The following VWA8 variants were observed in gnomAD, a reference collection of about 807,000 sequenced individuals.
VWA8 encodes the protein von Willebrand factor A domain-containing protein 8.
VWA8 carries 221 observed loss-of-function variants against 241.5 expected under a neutral mutation model. The observed-to-expected ratio is 0.91, with a 90% CI of 0.82 to 1.02. VWA8 has a LOEUF of 1.02. Among genes scored for constraint, VWA8 ranks in the 50% least tolerant of loss-of-function variants. The pLI is 0.00. For synonymous variants in VWA8, 852 were observed against 827.1 expected, an observed-to-expected ratio of 1.03 and a Z score of -0.52; for missense variants, 2,322 against 2,328.7, an observed-to-expected ratio of 1.00 and a Z score of 0.06.
intron 21 of VWA8, among the ~76,000 whole-genome samples, chr13:41,732,429 T>C (rs1010385329): frequency 5.3e-5 from 8 of 151,724 alleles, no homozygotes; most frequent in African/African-American, 1.2e-4. Flanking sequence ...TAATATGTCT[T>C]GTAACCACTT....
intron 37 of VWA8, among the ~76,000 whole-genome samples, chr13:41,667,528 G>C (rs2044994517): frequency 6.6e-6 from 1 of 152,166 alleles, no homozygotes; most frequent in South Asian, 2.1e-4. Context: ...AAAGGCTGCA[G>C]AGAGATCCTA....
intron 39 of VWA8, among the ~76,000 whole-genome samples, chr13:41,605,904 A>C (rs1360083974): frequency 5.3e-5 from 8 of 152,110 alleles, no homozygotes; most frequent in Admixed American, 5.2e-4. Flanking sequence ...CTATCTTCCC[A>C]GTATGCTGCT....
chr13:41,904,943 G>A (rs535033301), intron 4 of VWA8, among the ~76,000 whole-genome samples: 18 of 152,030 alleles, frequency 1.2e-4, no homozygotes, highest in East Asian at 7.7e-4. Context: ...TTCTTACCAC[G>A]TGAAAAATGC....
chr13:41,916,080 C>T (rs1876239977), intron 2 of VWA8, among the ~76,000 whole-genome samples: 2 of 152,164 alleles, frequency 1.3e-5, no homozygotes, highest in African/African-American at 2.4e-5. Flanking sequence ...AGTTATTTAA[C>T]CTCTCTGCTC....
At chr13:41,959,503 A>AC (rs1363493111) in intron 1 of VWA8, among the ~76,000 whole-genome samples, 1 of 150,978 alleles carries the variant, frequency 6.6e-6, no homozygotes, top group Non-Finnish European at 1.5e-5. Context: ...CAAAAAAAAA[A>AC]AAAAAAACAA....
At chr13:41,815,904 G>A (rs561785162) in intron 16 of VWA8, among the ~76,000 whole-genome samples, 1 of 152,312 alleles carries the variant, frequency 6.6e-6, no homozygotes, top group South Asian at 2.1e-4. Context: ...ACATCAAGAT[G>A]CTTAACTGGT....
At chr13:41,851,010 T>C (rs896724018) in intron 12 of VWA8, among the ~76,000 whole-genome samples, 5 of 152,246 alleles carry the variant, frequency 3.3e-5, no homozygotes, top group East Asian at 1.9e-4. Flanking sequence ...CATAGTTACA[T>C]ATTTTTTGTG....
chr13:41,585,143 G>C (rs974158909), intron 42 of VWA8, among the ~76,000 whole-genome samples: 1 of 149,490 alleles, frequency 6.7e-6, no homozygotes, highest in Middle Eastern at 3.4e-3. Context: ...TTCCTTTTTT[G>C]TGTGTGACAG....
chr13:41,680,365 T>C (rs60556905), intron 35 of VWA8, among the ~76,000 whole-genome samples: 1,759 of 152,296 alleles, frequency 0.012, 23 homozygotes, highest in African/African-American at 0.036. Context: ...GCATGGCTGT[T>C]ACCCTGGGAT....
At chr13:41,647,167 C>G (rs2044837385) in intron 37 of VWA8, among the ~76,000 whole-genome samples, 1 of 152,048 alleles carries the variant, frequency 6.6e-6, no homozygotes, top group African/African-American at 2.4e-5. Context: ...AAAAAGAGCT[C>G]CAATGGAAAT....
At chr13:41,903,389 A>G (rs1325675941) in intron 4 of VWA8, among the ~76,000 whole-genome samples, 2 of 152,180 alleles carry the variant, frequency 1.3e-5, no homozygotes, top group African/African-American at 4.8e-5. Context: ...GATGAGCAAG[A>G]TAGACAGTTA....
intron 37 of VWA8, among the ~76,000 whole-genome samples, chr13:41,620,024 G>A (rs1380950987): frequency 1.3e-5 from 2 of 151,996 alleles, no homozygotes; most frequent in Non-Finnish European, 2.9e-5. Flanking sequence ...TCTATTGATT[G>A]GAATAATTTC....
intron 37 of VWA8, among the ~76,000 whole-genome samples, chr13:41,621,576 A>G (rs774040932): frequency 6.6e-6 from 1 of 152,230 alleles, no homozygotes; most frequent in Non-Finnish European, 1.5e-5. Flanking sequence ...TTAAAAAACC[A>G]GAAGAGGTAT....
At chr13:41,691,140 G>A (rs1262881782) in intron 32 of VWA8, among the ~76,000 whole-genome samples, 180 bp downstream of exon 32, 4 of 152,216 alleles carry the variant, frequency 2.6e-5, no homozygotes, top group South Asian at 2.1e-4. Context: ...TTTCTGAGAA[G>A]TGACATTTAT....
At chr13:41,870,321 C>A (rs1407591274) in intron 9 of VWA8, among the ~76,000 whole-genome samples, 2 of 151,920 alleles carry the variant, frequency 1.3e-5, no homozygotes, top group Non-Finnish European at 2.9e-5. Context: ...GCAAGACCTA[C>A]CCAAGTAATT....
chr13:41,573,158 G>A (rs766337186), intron 43 of VWA8, among the ~76,000 whole-genome samples: 47 of 149,786 alleles, frequency 3.1e-4, no homozygotes, highest in Non-Finnish European at 3.0e-4. Flanking sequence ...GCTGACGCCT[G>A]TAGACCCAGC....
chr13:41,854,589 T>G (rs1431531477), intron 12 of VWA8, among the ~76,000 whole-genome samples: 1 of 151,804 alleles, frequency 6.6e-6, no homozygotes, highest in African/African-American at 2.4e-5. Flanking sequence ...TCTGGAAGAG[T>G]TCTTTAAGAC....
intron 20 of VWA8, among the ~76,000 whole-genome samples, chr13:41,762,631 G>T (rs2045748846): frequency 1.3e-5 from 2 of 152,084 alleles, no homozygotes; most frequent in South Asian, 4.1e-4. Flanking sequence ...ATGGTATACA[G>T]CAACAATAGC....
chr13:41,871,750 G>A (rs1397696812), intron 9 of VWA8, among the ~76,000 whole-genome samples: 2 of 152,128 alleles, frequency 1.3e-5, no homozygotes, highest in African/African-American at 2.4e-5. Context: ...ATTGTGAATA[G>A]TGCCGCAATA....
Sources: allele counts gnomAD v4.1 joint callset (sites outside exome capture counted in the v4.1 genomes callset), GRCh38; gene constraint gnomAD v4.1.1; transcripts MANE v1.5; gene names NCBI Gene and HGNC (gene_info 2026-07-23, HGNC 2026-07-21).